The following TCEA1 variants were observed in gnomAD, a reference collection of about 807,000 sequenced individuals.
TCEA1 encodes transcription elongation factor A protein 1.
TCEA1 carries 21 observed loss-of-function variants against 43.8 expected under a neutral mutation model. The observed-to-expected ratio is 0.48, with a 90% CI of 0.34 to 0.69. TCEA1 has a LOEUF of 0.69. Among genes scored for constraint, TCEA1 ranks in the 30% least tolerant of loss-of-function variants. The pLI, the probability that TCEA1 is intolerant of heterozygous loss-of-function variation, is 0.01. For synonymous variants in TCEA1, 104 were observed against 117.5 expected, an observed-to-expected ratio of 0.88 and a Z score of 0.75; for missense variants, 250 against 365.1, an observed-to-expected ratio of 0.68 and a Z score of 2.57.
intron 5 of TCEA1, among the ~76,000 whole-genome samples, chr8:53,987,491 G>C (rs555224502): frequency 1.3e-5 from 2 of 152,286 alleles, no homozygotes; most frequent in East Asian, 3.9e-4. Flanking sequence ...AAAAATAAAA[G>C]AGACAGTCAG....
intron 6 of TCEA1, among the ~76,000 whole-genome samples, chr8:53,985,994 T>C (rs553290849): frequency 2.0e-5 from 3 of 152,306 alleles, no homozygotes; most frequent in Non-Finnish European, 2.9e-5. Context: ...TAAAATGACA[T>C]AGATGTCCCT....
At chr8:54,000,948 C>T (rs1212886956) in intron 2 of TCEA1, among the ~76,000 whole-genome samples, 3 of 151,886 alleles carry the variant, frequency 2.0e-5, no homozygotes, top group Admixed American at 6.6e-5. Flanking sequence ...TTAGTAGAGA[C>T]GGACTGCACC....
chr8:53,995,294 CAAAAAAA>C (rs925755044), intron 3 of TCEA1, among the ~76,000 whole-genome samples: 1 of 57,932 alleles, frequency 1.7e-5, no homozygotes, highest in African/African-American at 6.5e-5. Flanking sequence ...GACTCTGTCT[CAAAAAAA>C]AAAAAAAAAA....
intron 2 of TCEA1, among the ~76,000 whole-genome samples, chr8:54,003,869 A>AT (rs1419102254): frequency 6.6e-6 from 1 of 152,074 alleles, no homozygotes; most frequent in African/African-American, 2.4e-5. Flanking sequence ...AAAAGAGACA[A>AT]TATTTGCAAA....
In TCEA1 at chr8:54,006,444, A is replaced by G. The variant is rs560525422; in HGVS notation, c.126+3986T>C. 2.1e-3 allele frequency among the ~76,000 whole-genome samples: 313 copies of G among 152,104 alleles called. 1 individual carries two copies. Among genetic ancestry groups the G allele is most frequent in the African/African-American group, 7.1e-3 (296 of 41,498 alleles). On this transcript the variant is annotated intron_variant, in intron 2 of 9. Coordinates refer to ENST00000521604, the MANE Select transcript of TCEA1 (RefSeq NM_006756.4). ...CAGTGAGCCGAGATCGTGCCATTGC[A>G]CTCCAGCCTGGGCAACAAGAGTGAA...
intron 3 of TCEA1, among the ~76,000 whole-genome samples, chr8:53,995,326 G>C (rs1801955025): frequency 1.4e-5 from 2 of 148,042 alleles, no homozygotes; most frequent in African/African-American, 5.0e-5. Flanking sequence ...GAAAAATTCA[G>C]TGCATGCCTG....
intron 8 of TCEA1, among the ~76,000 whole-genome samples, chr8:53,977,993 G>A (rs2030963145): frequency 6.6e-6 from 1 of 152,034 alleles, no homozygotes; most frequent in Admixed American, 6.5e-5. Flanking sequence ...AAAGAACATG[G>A]TCATTTTATT....
intron 2 of TCEA1, among the ~76,000 whole-genome samples, chr8:54,008,987 C>T (rs1804566396): frequency 1.3e-5 from 2 of 151,496 alleles, no homozygotes; most frequent in South Asian, 4.2e-4. Context: ...ATAGCTGGGA[C>T]TACAGGTATG....
intron 3 of TCEA1, among the ~76,000 whole-genome samples, chr8:53,999,182 A>T (rs1310246507): frequency 7.0e-6 from 1 of 142,160 alleles, no homozygotes; most frequent in East Asian, 2.2e-4. Flanking sequence ...CCGAGATTGC[A>T]CCACTGCACT....
intron 9 of TCEA1, among the ~76,000 whole-genome samples, chr8:53,969,537 TA>T (rs1254279465): frequency 2.0e-5 from 3 of 152,068 alleles, no homozygotes; most frequent in Non-Finnish European, 4.4e-5. Context: ...GAAAAACTAA[TA>T]AAAATAGCCA....
chr8:54,005,337 C>T (rs1207326428), intron 2 of TCEA1, among the ~76,000 whole-genome samples: 1 of 152,182 alleles, frequency 6.6e-6, no homozygotes, highest in Non-Finnish European at 1.5e-5. Context: ...ACTACCATAT[C>T]AGTCAACACT....
At chr8:54,020,528 G>A (rs1283345635) in intron 1 of TCEA1, among the ~76,000 whole-genome samples, 2 of 152,226 alleles carry the variant, frequency 1.3e-5, no homozygotes, top group South Asian at 2.1e-4. Context: ...CGTATTTAGT[G>A]TTAACACTAA....
At chr8:53,978,615 A>T (rs1363500898) in intron 8 of TCEA1, 2 of 153,880 alleles carry the variant, frequency 1.3e-5, no homozygotes, top group African/African-American at 4.8e-5. Context: ...GGTCAACAGC[A>T]GCCTAACACT....
intron 1 of TCEA1, among the ~76,000 whole-genome samples, chr8:54,017,861 A>T (rs1691123420): frequency 6.6e-6 from 1 of 152,184 alleles, no homozygotes; most frequent in Admixed American, 6.6e-5. Flanking sequence ...CGGAGGTTGC[A>T]GTGAGCCAAG....
At chr8:53,987,512 T>C (rs1237139211) in intron 5 of TCEA1, among the ~76,000 whole-genome samples, 2 of 152,022 alleles carry the variant, frequency 1.3e-5, no homozygotes, top group Non-Finnish European at 2.9e-5. Context: ...GAAATCAAAG[T>C]AGAAAGGGCA....
In TCEA1 at chr8:54,000,262, G is replaced by A. The variant is rs989130735; in HGVS notation, c.127-212C>T. On this transcript the variant is annotated intron_variant, in intron 2 of 9. Transcript: ENST00000521604. ...TTAATGTTCTTATCATCAAGATCTA[G>A]AAGCATAAAATTCACTACTGTAATA... 2.0e-5 allele frequency among the ~76,000 whole-genome samples: 3 copies of A among 152,092 alleles called. 1 individual carries two copies. The highest frequency in any genetic ancestry group is 4.4e-5 in the Non-Finnish European group (3 of 68,008).
chr8:54,010,298 T>A, intron 2 of TCEA1, 132 bp downstream of exon 2: 209 of 611,668 alleles, frequency 3.4e-4, no homozygotes, highest in Middle Eastern at 6.3e-4. Context: ...TTGCCATCTT[T>A]AAAAAAAAAT....
At chr8:53,996,291 C>T (rs545470878) in intron 3 of TCEA1, among the ~76,000 whole-genome samples, 17 of 152,362 alleles carry the variant, frequency 1.1e-4, no homozygotes, top group Admixed American at 3.3e-4. Context: ...GAAGGAGGTG[C>T]TCCAGCTCTG....
intron 1 of TCEA1, among the ~76,000 whole-genome samples, chr8:54,012,261 C>A (rs915267504): frequency 1.3e-5 from 2 of 152,154 alleles, no homozygotes; most frequent in African/African-American, 4.8e-5. Context: ...ACTATTACAA[C>A]TGACTACAGA....
Sources: allele counts gnomAD v4.1 joint callset (sites outside exome capture counted in the v4.1 genomes callset), GRCh38; gene constraint gnomAD v4.1.1; transcripts MANE v1.5; gene names NCBI Gene and HGNC (gene_info 2026-07-23, HGNC 2026-07-21).